The following FAF1 variants were observed in gnomAD, a reference collection of about 807,000 sequenced individuals.
The protein encoded by FAF1 is Fas associated factor 1.
FAF1 carries 25 observed loss-of-function variants against 92.5 expected under a neutral mutation model. The ratio of observed to expected loss-of-function variants is 0.27; its 90% confidence interval spans 0.20 to 0.38. The LOEUF (loss-of-function observed/expected upper bound fraction) is 0.38. FAF1 is among the 10% of genes least tolerant of loss of function. The pLI is 1.00. For synonymous variants in FAF1, 234 were observed against 273.2 expected, an observed-to-expected ratio of 0.86 and a Z score of 1.42; for missense variants, 636 against 793.3, an observed-to-expected ratio of 0.80 and a Z score of 2.38.
chr1:50,551,054 A>C (rs531987655), intron 13 of FAF1, among the ~76,000 whole-genome samples: 5 of 152,164 alleles, frequency 3.3e-5, no homozygotes, highest in African/African-American at 1.2e-4. Context: ...CTAAACTTCA[A>C]CTCAGGTGCT....
intron 8 of FAF1, among the ~76,000 whole-genome samples, chr1:50,645,550 G>A (rs549123843): frequency 1.3e-5 from 2 of 152,164 alleles, no homozygotes; most frequent in Non-Finnish European, 2.9e-5. Context: ...GTGGCCAGGC[G>A]CTATGGCTCA....
chr1:50,703,320 T>G (rs942857885), intron 7 of FAF1, among the ~76,000 whole-genome samples: 1 of 152,156 alleles, frequency 6.6e-6, no homozygotes, highest in African/African-American at 2.4e-5. Flanking sequence ...TGTACATACT[T>G]AAGTGTCATT....
chr1:50,689,720 T>C (rs1396021504), intron 7 of FAF1, among the ~76,000 whole-genome samples: 1 of 152,232 alleles, frequency 6.6e-6, no homozygotes, highest in Admixed American at 6.5e-5. Context: ...AACAAAAATG[T>C]GGTATGCCCA....
At chr1:50,644,590 C>A (rs1313078888) in intron 8 of FAF1, among the ~76,000 whole-genome samples, 2 of 152,158 alleles carry the variant, frequency 1.3e-5, no homozygotes, top group African/African-American at 4.8e-5. Flanking sequence ...TTCAACTCAG[C>A]GAAATTACCA....
chr1:50,664,021 CAG>C, intron 7 of FAF1, among the ~76,000 whole-genome samples: 1 of 130,022 alleles, frequency 7.7e-6, no homozygotes, highest in Non-Finnish European at 1.6e-5. Flanking sequence ...TTTTTTTAGA[CAG>C]AGTCTCGCTC....
intron 1 of FAF1, among the ~76,000 whole-genome samples, chr1:50,942,613 C>T (rs1377222116): frequency 1.3e-5 from 2 of 152,194 alleles, no homozygotes; most frequent in East Asian, 3.8e-4. Flanking sequence ...TAAGAATCCA[C>T]CCTACTTACT....
chr1:50,467,083 T>C (rs1646506757), intron 18 of FAF1, among the ~76,000 whole-genome samples: 1 of 152,176 alleles, frequency 6.6e-6, no homozygotes, highest in Non-Finnish European at 1.5e-5. Context: ...GGACTGTTTG[T>C]ATGAGAGGCT....
intron 6 of FAF1, among the ~76,000 whole-genome samples, chr1:50,724,202 C>A (rs914594595): frequency 1.4e-5 from 2 of 147,376 alleles, no homozygotes; most frequent in South Asian, 4.4e-4. Context: ...AATGCCACCA[C>A]GCTACAGCCT....
intron 8 of FAF1, among the ~76,000 whole-genome samples, chr1:50,624,842 T>G (rs1245670712): frequency 1.3e-5 from 2 of 151,826 alleles, no homozygotes; most frequent in Admixed American, 6.6e-5. Flanking sequence ...CCTTCTCCAT[T>G]CAAAGTGAAA....
chr1:50,511,716 ATG>A (rs1557975706), intron 15 of FAF1, among the ~76,000 whole-genome samples: 2 of 152,164 alleles, frequency 1.3e-5, no homozygotes, highest in African/African-American at 4.8e-5. Flanking sequence ...ATATGTGTGC[ATG>A]TGTCTTTATA....
At chr1:50,456,730 T>C (rs1220547910) in intron 18 of FAF1, among the ~76,000 whole-genome samples, 3 of 152,158 alleles carry the variant, frequency 2.0e-5, no homozygotes, top group Non-Finnish European at 4.4e-5. Flanking sequence ...CTCAGGAGTA[T>C]ACAGTCTAGG....
chr1:50,808,076 G>A (rs962479259), intron 2 of FAF1, among the ~76,000 whole-genome samples: 14 of 152,180 alleles, frequency 9.2e-5, no homozygotes, highest in Admixed American at 2.0e-4. Context: ...AACCCTACAA[G>A]CCAGAAGAGA....
chr1:50,723,626 T>G (rs1270686309), intron 6 of FAF1, among the ~76,000 whole-genome samples: 1 of 152,074 alleles, frequency 6.6e-6, no homozygotes, highest in Admixed American at 6.6e-5. Flanking sequence ...TCAATACACA[T>G]TCCGACCAGG....
At chr1:50,777,838 C>T (rs1661020071) in intron 4 of FAF1, among the ~76,000 whole-genome samples, 1 of 151,650 alleles carries the variant, frequency 6.6e-6, no homozygotes, top group South Asian at 2.1e-4. Flanking sequence ...TAGGGAGTAA[C>T]TGGAACCCTG....
intron 4 of FAF1, chr1:50,780,830 G>T: frequency 2.3e-6 from 1 of 433,324 alleles, no homozygotes. Flanking sequence ...GGTTTATCCT[G>T]GATAACGTGT....
chr1:50,794,587 A>G (rs1474009754), intron 3 of FAF1, among the ~76,000 whole-genome samples: 3 of 152,224 alleles, frequency 2.0e-5, no homozygotes, highest in Non-Finnish European at 4.4e-5. Context: ...ATGAAAACAG[A>G]TCCTTTAGAA....
At chr1:50,683,893 T>C (rs367595496) in intron 7 of FAF1, among the ~76,000 whole-genome samples, 1 of 151,006 alleles carries the variant, frequency 6.6e-6, no homozygotes, top group East Asian at 2.0e-4. Flanking sequence ...GATCGCGCCA[T>C]TGCACTTCAG....
chr1:50,713,223 G>C (rs1658017556), intron 6 of FAF1, among the ~76,000 whole-genome samples: 1 of 80,082 alleles, frequency 1.2e-5, no homozygotes, highest in South Asian at 3.3e-4. Context: ...AAAAGGATGA[G>C]TGTTAACCAA....
At position 50,471,192 on chromosome 1, in the gene FAF1, C is replaced by T. The variant is rs117007449; in HGVS notation, c.1869+4272G>A. ...GTGGCAAATAGTATCCATGTGTTAT[C>T]GATGAAGTCAAGTCAAACTTCATCT... On this transcript the variant is annotated intron_variant, in intron 18 of 18. Coordinates refer to ENST00000396153, the MANE Select transcript of FAF1 (RefSeq NM_007051.3). 9.2e-5 allele frequency: 14 copies of T among 152,290 alleles called. No individual in the cohort carries two copies. In the East Asian group the frequency reaches 2.7e-3, roughly 29 times the overall value. 9.4% of individuals were successfully genotyped at this position (152,290 alleles called of 1,614,324 possible). A position where few individuals can be genotyped will look rare whatever the true frequency, so the allele number is the denominator to read the frequency against.
Sources: allele counts gnomAD v4.1 joint callset (sites outside exome capture counted in the v4.1 genomes callset), GRCh38; gene constraint gnomAD v4.1.1; transcripts MANE v1.5; gene names NCBI Gene and HGNC (gene_info 2026-07-23, HGNC 2026-07-21).